Variants in ADARB2 observed in about 807,000 individuals in gnomAD.
ADARB2 encodes the protein inactive double-stranded RNA-specific editase B2.
Under a neutral mutation model 62.2 loss-of-function variants are expected in ADARB2, and 25 were observed. The observed-to-expected ratio is 0.40, with a 90% CI of 0.29 to 0.56. The LOEUF (loss-of-function observed/expected upper bound fraction) is 0.56. ADARB2 is among the 20% of genes least tolerant of loss of function. ADARB2 has a pLI of 0.43. For missense variants in ADARB2, 1,071 were observed against 1,077.4 expected (o/e 0.99, Z 0.08); for synonymous variants, 572 against 500.8 (o/e 1.14, Z -1.90).
At chr10:1,680,428 C>T (rs1020166652) in intron 1 of ADARB2, among the ~76,000 whole-genome samples, 10 of 152,074 alleles carry the variant, frequency 6.6e-5, no homozygotes, top group African/African-American at 2.4e-4. Flanking sequence ...AGTACAGTGT[C>T]CTCCGTAAAG....
intron 1 of ADARB2, among the ~76,000 whole-genome samples, chr10:1,419,814 G>A (rs1170015580): frequency 6.6e-6 from 1 of 152,128 alleles, no homozygotes; most frequent in African/African-American, 2.4e-5. Flanking sequence ...CACATCGGAG[G>A]GATTCGTTAG....
intron 2 of ADARB2, among the ~76,000 whole-genome samples, chr10:1,373,547 G>C (rs4880839): frequency 0.044 from 6,736 of 152,244 alleles, 186 homozygotes; most frequent in East Asian, 0.12. Context: ...GTGTGCATGC[G>C]TGTGTGTGTG....
intron 1 of ADARB2, among the ~76,000 whole-genome samples, chr10:1,436,717 C>G (rs1037361131): frequency 2.6e-5 from 4 of 152,150 alleles, no homozygotes; most frequent in Non-Finnish European, 5.9e-5. Flanking sequence ...TACATTTTTG[C>G]TTTAAACGAG....
intron 1 of ADARB2, among the ~76,000 whole-genome samples, chr10:1,437,470 C>T (rs1830846262): frequency 6.6e-6 from 1 of 152,208 alleles, no homozygotes; most frequent in South Asian, 2.1e-4. Flanking sequence ...ACGCTTACAG[C>T]AGACACGCAG....
intron 1 of ADARB2, among the ~76,000 whole-genome samples, chr10:1,562,104 G>A (rs1014558471): frequency 5.9e-5 from 9 of 152,076 alleles, no homozygotes; most frequent in South Asian, 4.1e-4. Flanking sequence ...CCCCCGCCAC[G>A]TGTCCTCTCT....
rs1279078567 is a variant in ADARB2 at position 1,477,350 on chromosome 10, C to T, written c.101-98190G>A. Among the ~76,000 whole-genome samples, 1 of 152,162 alleles carries T rather than the reference C, an allele frequency of 6.6e-6. No homozygotes were observed. The highest frequency in any genetic ancestry group is 2.1e-4 in the South Asian group (1 of 4,824). ...GGCATGACATGCTGTTCCCAAATAC[C>T]TCACTCCACAAGTAGCCCCAGCAGC... On this transcript the variant is annotated intron_variant, in intron 1 of 9. Transcript: ENST00000381312. This position sits in a 1 kb window ranked among gnomAD's most constrained non-coding sequence, Gnocchi z 4.5.
At chr10:1,654,682 T>A (rs895311760) in intron 1 of ADARB2, among the ~76,000 whole-genome samples, 2 of 152,228 alleles carry the variant, frequency 1.3e-5, no homozygotes, top group Admixed American at 1.3e-4. Context: ...CATGGACCGA[T>A]CCCGAAGTGC....
At chr10:1,625,524 G>A (rs988819169) in intron 1 of ADARB2, among the ~76,000 whole-genome samples, 11 of 152,108 alleles carry the variant, frequency 7.2e-5, no homozygotes, top group African/African-American at 2.4e-4. Flanking sequence ...CAGGCCTCTG[G>A]AGGTGCAGGG....
At chr10:1,193,133 G>T (rs185838472) in intron 8 of ADARB2, among the ~76,000 whole-genome samples, 4 of 152,218 alleles carry the variant, frequency 2.6e-5, no homozygotes, top group Admixed American at 1.3e-4. Flanking sequence ...TGAATGTCCC[G>T]GGTGCAAGTT....
At chr10:1,346,048 CT>C (rs142236545) in intron 3 of ADARB2, among the ~76,000 whole-genome samples, 3,626 of 152,250 alleles carry the variant, frequency 0.024, 85 homozygotes, top group East Asian at 0.11. Context: ...GGAAAATGCC[CT>C]GTATTTTTTT....
chr10:1,514,854 G>A (rs773391806), intron 1 of ADARB2, among the ~76,000 whole-genome samples: 1 of 152,138 alleles, frequency 6.6e-6, no homozygotes, highest in South Asian at 2.1e-4. Flanking sequence ...ATTTGGCCAC[G>A]TTGCAGGATG....
intron 1 of ADARB2, among the ~76,000 whole-genome samples, chr10:1,659,993 C>A (rs1834224337): frequency 6.6e-6 from 1 of 152,064 alleles, no homozygotes; most frequent in African/African-American, 2.4e-5. Flanking sequence ...GCCTTCCTTC[C>A]TCTCCTCCAC....
intron 1 of ADARB2, among the ~76,000 whole-genome samples, chr10:1,647,412 CAT>C (rs34461333): frequency 0.22 from 33,113 of 151,968 alleles, 3,731 homozygotes; most frequent in Admixed American, 0.26. Context: ...CATGTGTGTG[CAT>C]ATATGTGTAT....
At chr10:1,221,162 T>G (rs1830692025) in intron 6 of ADARB2, among the ~76,000 whole-genome samples, 1 of 152,158 alleles carries the variant, frequency 6.6e-6, no homozygotes, top group African/African-American at 2.4e-5. Flanking sequence ...TGGCCATAAA[T>G]GATCTGTAGT....
At chr10:1,710,624 G>A (rs2119151236) in intron 1 of ADARB2, among the ~76,000 whole-genome samples, 1 of 152,292 alleles carries the variant, frequency 6.6e-6, no homozygotes, top group South Asian at 2.1e-4. Flanking sequence ...GGTAAATCTG[G>A]TGTGCTGATC....
chr10:1,610,656 C>T (rs975880399), intron 1 of ADARB2, among the ~76,000 whole-genome samples: 9 of 152,238 alleles, frequency 5.9e-5, no homozygotes, highest in Non-Finnish European at 8.8e-5. Context: ...CCTCTCCATC[C>T]GGGGTCTTTT....
rs2676744 is a variant in ADARB2 at position 1,555,551 on chromosome 10, T to A, written c.101-176391A>T. 2.6e-5 allele frequency among the ~76,000 whole-genome samples: 4 copies of A among 151,752 alleles called. No homozygotes were observed. In the East Asian group the frequency reaches 7.7e-4, roughly 29 times the overall value. ...GGACCGTGAGTGAGTGTGCTCTTGA[T>A]AAAAATGAAGGATGGACCGGGGCTT... On this transcript the variant is annotated intron_variant, in intron 1 of 9. Coordinates refer to ENST00000381312, the MANE Select transcript of ADARB2 (RefSeq NM_018702.4).
chr10:1,646,025 C>T (rs1224924461), intron 1 of ADARB2, among the ~76,000 whole-genome samples: 1 of 152,126 alleles, frequency 6.6e-6, no homozygotes, highest in African/African-American at 2.4e-5. Flanking sequence ...GGAGACGTGT[C>T]CCAGGGACAC....
rs111859294 is a variant in ADARB2, at chr10:1,455,624, A to G, written c.101-76464T>C. 1.9e-3 allele frequency among the ~76,000 whole-genome samples: 287 copies of G among 152,316 alleles called. 2 individuals carry two copies. Among genetic ancestry groups the G allele is most frequent in the African/African-American group, 6.6e-3 (274 of 41,560 alleles). ...GATCCAGTTTTTTCATAGCATTAGA[A>G]AAACTCTTTTTGGGATTGTTACTTT... On this transcript the variant is annotated intron_variant, in intron 1 of 9. Transcript: ENST00000381312.
Sources: gnomAD v4.1 joint callset for allele counts (sites outside exome capture counted in the v4.1 genomes callset) on GRCh38, gnomAD v4.1.1 for gene constraint, Gnocchi (gnomAD v3.1) non-coding constraint, MANE v1.5 for transcripts, NCBI Gene and HGNC (gene_info 2026-07-23, HGNC 2026-07-21) for gene names.